Variants in CDH12 observed in about 807,000 individuals in gnomAD.
CDH12 encodes the protein cadherin 12, also known as cadherin-12.
Under a neutral mutation model 74.1 loss-of-function variants are expected in CDH12, and 41 were observed. That is an observed-to-expected ratio of 0.55 (90% CI 0.43 to 0.72). The LOEUF is 0.72. Among genes scored for constraint, CDH12 ranks in the 30% least tolerant of loss-of-function variants. The pLI is 0.00. For missense variants in CDH12, 945 were observed against 977.2 expected (o/e 0.97, Z 0.44); for synonymous variants, 399 against 355.0 (o/e 1.12, Z -1.39).
At chr5:22,470,240 T>C (rs1051078099) in intron 2 of CDH12, among the ~76,000 whole-genome samples, 1 of 152,160 alleles carries the variant, frequency 6.6e-6, no homozygotes, top group Non-Finnish European at 1.5e-5. Flanking sequence ...TATTAGATTC[T>C]GAAGTTTTCT....
intron 3 of CDH12, among the ~76,000 whole-genome samples, chr5:22,331,829 A>AT (rs1345835599): frequency 6.6e-6 from 1 of 152,210 alleles, no homozygotes; most frequent in Admixed American, 6.5e-5. Context: ...AACCAAAAAA[A>AT]AATCAAACAG....
intron 3 of CDH12, among the ~76,000 whole-genome samples, chr5:22,223,559 C>T (rs1479485522): frequency 6.6e-6 from 1 of 151,954 alleles, no homozygotes; most frequent in Non-Finnish European, 1.5e-5. Context: ...CATTAGACAT[C>T]CCCACTGTTG....
At chr5:22,270,759 C>A (rs192431730) in intron 3 of CDH12, among the ~76,000 whole-genome samples, 2 of 152,068 alleles carry the variant, frequency 1.3e-5, no homozygotes, top group Non-Finnish European at 1.5e-5. Flanking sequence ...GCATCCTCCA[C>A]CTTCTGGTTT....
intron 1 of CDH12, among the ~76,000 whole-genome samples, chr5:22,566,756 T>A (rs1392056168): frequency 1.3e-5 from 2 of 152,232 alleles, no homozygotes; most frequent in East Asian, 3.9e-4. Context: ...TAATAACCAG[T>A]TTAGACCCAA....
intron 9 of CDH12, among the ~76,000 whole-genome samples, chr5:21,807,980 T>C (rs1561202118): frequency 6.6e-6 from 1 of 152,090 alleles, no homozygotes; most frequent in Admixed American, 6.6e-5. Context: ...TCGTCCTGCC[T>C]TATAAGAAGT....
At chr5:22,627,991 A>G (rs1738387602) in intron 1 of CDH12, among the ~76,000 whole-genome samples, 1 of 152,050 alleles carries the variant, frequency 6.6e-6, no homozygotes, top group Non-Finnish European at 1.5e-5. Context: ...AATTAAAAAG[A>G]AAAAACACAA....
intron 6 of CDH12, among the ~76,000 whole-genome samples, chr5:21,906,589 C>T (rs1248170197): frequency 6.8e-6 from 1 of 146,178 alleles, no homozygotes; most frequent in African/African-American, 2.7e-5. Context: ...TCTTTGCTTT[C>T]TTTTCAACTC....
chr5:22,107,378 C>T (rs890235890), intron 4 of CDH12, among the ~76,000 whole-genome samples: 16 of 151,566 alleles, frequency 1.1e-4, no homozygotes, highest in Middle Eastern at 3.5e-3. Context: ...GTGATCCGTC[C>T]GTCTTGGCCT....
At chr5:22,063,533 T>C (rs1741340572) in intron 5 of CDH12, among the ~76,000 whole-genome samples, 1 of 152,140 alleles carries the variant, frequency 6.6e-6, no homozygotes, top group Non-Finnish European at 1.5e-5. Flanking sequence ...CATTACTTCC[T>C]TTGAGTCTTA....
At chr5:22,209,926 G>T (rs914282532) in intron 4 of CDH12, among the ~76,000 whole-genome samples, 3 of 151,988 alleles carry the variant, frequency 2.0e-5, no homozygotes, top group Admixed American at 2.0e-4. Context: ...ATCTGAATTT[G>T]AGTTATAGGT....
intron 2 of CDH12, among the ~76,000 whole-genome samples, chr5:22,458,823 T>C (rs1297201035): frequency 1.3e-5 from 2 of 152,246 alleles, no homozygotes; most frequent in African/African-American, 4.8e-5. Context: ...CGATTTCAGC[T>C]ATAGTTAATC....
chr5:21,960,651 T>C (rs1370997808), intron 6 of CDH12, among the ~76,000 whole-genome samples: 5 of 152,146 alleles, frequency 3.3e-5, no homozygotes, highest in Non-Finnish European at 5.9e-5. Context: ...AGAATATGTA[T>C]TCCTCACCTT....
intron 1 of CDH12, among the ~76,000 whole-genome samples, chr5:22,738,706 T>A (rs1186648103): frequency 1.3e-5 from 2 of 152,022 alleles, no homozygotes; most frequent in Non-Finnish European, 2.9e-5. Context: ...GCTAAAATAT[T>A]GGGAAAAAAT....
intron 8 of CDH12, among the ~76,000 whole-genome samples, chr5:21,819,724 G>T (rs1214821010): frequency 6.6e-6 from 1 of 152,018 alleles, no homozygotes; most frequent in Non-Finnish European, 1.5e-5. Context: ...CAAGTGTTCA[G>T]AGAGACAGAG....
At chr5:22,165,851 C>T (rs1748651684) in intron 4 of CDH12, among the ~76,000 whole-genome samples, 1 of 152,212 alleles carries the variant, frequency 6.6e-6, no homozygotes. Flanking sequence ...AGCGCTAGGA[C>T]AGTTTACAAA....
chr5:21,978,102 T>G (rs925593062), intron 5 of CDH12, among the ~76,000 whole-genome samples: 9 of 152,196 alleles, frequency 5.9e-5, no homozygotes, highest in African/African-American at 2.2e-4. Flanking sequence ...GTGAAAGGTA[T>G]AAAGTAAGAT....
Position 21,751,338 on chromosome 5 carries a change from T to A in CDH12, c.*399A>T. On this transcript the variant is annotated 3_prime_UTR_variant, in exon 15 of 15. Coordinates refer to ENST00000382254, the MANE Select transcript of CDH12 (RefSeq NM_004061.5). The stretch of plus-strand genomic sequence containing the variant: ...TGTACACCACTTTAAATGATAAGAG[T>A]TTCAATAGGCACTTTAGTGGAATTA... 5.2e-6 allele frequency: 1 copy of A among 193,968 alleles called. No homozygotes were observed. Among genetic ancestry groups the A allele is most frequent in the South Asian group, 9.6e-5 (1 of 10,422 alleles). The allele number at this position is 193,968 out of a possible 1,614,324, so 12.0% of individuals were successfully genotyped here.
At chr5:22,187,801 C>T (rs1750048014) in intron 4 of CDH12, among the ~76,000 whole-genome samples, 1 of 152,084 alleles carries the variant, frequency 6.6e-6, no homozygotes, top group African/African-American at 2.4e-5. Context: ...GCTGAGGCAA[C>T]CCACTTGAAT....
intron 1 of CDH12, among the ~76,000 whole-genome samples, chr5:22,638,051 C>T (rs1184972770): frequency 1.3e-5 from 2 of 152,142 alleles, no homozygotes; most frequent in Non-Finnish European, 2.9e-5. Context: ...TGATCATTTC[C>T]TATGTGTTAA....
Sources: gnomAD v4.1 joint callset for allele counts (sites outside exome capture counted in the v4.1 genomes callset) on GRCh38, gnomAD v4.1.1 for gene constraint, MANE v1.5 for transcripts, NCBI Gene and HGNC (gene_info 2026-07-23, HGNC 2026-07-21) for gene names.